PSPC1: variants seen among roughly 807,000 people sequenced by gnomAD.
PSPC1 encodes paraspeckle protein 1.
PSPC1 carries 14 observed loss-of-function variants against 51.6 expected under a neutral mutation model. The observed-to-expected ratio is 0.27, with a 90% CI of 0.18 to 0.42. The LOEUF (loss-of-function observed/expected upper bound fraction) is 0.42. Ranked by LOEUF, PSPC1 falls within the 10% of genes least tolerant of loss-of-function variation. The probability of loss-of-function intolerance (pLI) is 1.00; values close to 1 mark genes in which losing one functional copy is unlikely to be tolerated. For synonymous variants in PSPC1, 193 were observed against 231.9 expected (o/e 0.83, Z 1.53); for missense variants, 406 against 701.1 (o/e 0.58, Z 4.75).
intron 6 of PSPC1, among the ~76,000 whole-genome samples, chr13:19,720,348 C>CA (rs1335735199): frequency 6.6e-6 from 1 of 152,142 alleles, no homozygotes; most frequent in Non-Finnish European, 1.5e-5. Context: ...ATAAACTGCA[C>CA]AAGCAGCAGT....
chr13:19,733,694 C>T (rs983612109), intron 5 of PSPC1, among the ~76,000 whole-genome samples: 5 of 151,164 alleles, frequency 3.3e-5, no homozygotes, highest in African/African-American at 7.3e-5. Flanking sequence ...ACCTGGGAGG[C>T]GGAGGTTGCA....
intron 6 of PSPC1, chr13:19,679,072 C>T (rs1047096287): frequency 1.3e-5 from 2 of 152,170 alleles, no homozygotes; most frequent in African/African-American, 4.8e-5. Flanking sequence ...TTTTTTAAAA[C>T]AAGGCATGGC....
intron 2 of PSPC1, among the ~76,000 whole-genome samples, chr13:19,761,296 TTTC>T (rs1177942135): frequency 1.3e-5 from 2 of 152,154 alleles, no homozygotes; most frequent in Non-Finnish European, 2.9e-5. Context: ...TCTTTACTGT[TTTC>T]TTCAGTAAAA....
In PSPC1 at chr13:19,746,929, G is replaced by C. The variant is rs533938277; in HGVS notation, c.967+4342C>G. Among the ~76,000 whole-genome samples, 124 of 152,112 alleles carry C rather than the reference G, an allele frequency of 8.2e-4. 1 individual carries two copies. Among genetic ancestry groups the C allele is most frequent in the Non-Finnish European group, 1.6e-3 (107 of 68,026 alleles). On this transcript the variant is annotated intron_variant, in intron 4 of 8. Coordinates refer to ENST00000338910, the MANE Select transcript of PSPC1 (RefSeq NM_001354909.2). ...GTTCGAGACCAGCCTGACCAACATGGAGAAACCCCATCTCTACTAAAATAC... is the reference window on the plus strand; with the variant it reads ...GTTCGAGACCAGCCTGACCAACATGCAGAAACCCCATCTCTACTAAAATAC...
At chr13:19,700,518 T>A (rs1879771826), downstream of PSPC1, among the ~76,000 whole-genome samples, 1 of 152,076 alleles carries the variant, frequency 6.6e-6, no homozygotes, top group South Asian at 2.1e-4. Context: ...GTGAATCAGT[T>A]TTTTAAAATC....
chr13:19,697,407 A>C (rs1879391284), intron 6 of PSPC1, among the ~76,000 whole-genome samples: 1 of 152,216 alleles, frequency 6.6e-6, no homozygotes, highest in Non-Finnish European at 1.5e-5. Context: ...CTTAAGCCCT[A>C]GAAAACTAAC....
At chr13:19,698,236 G>A (rs1488375609), downstream of PSPC1, among the ~76,000 whole-genome samples, 4 of 151,746 alleles carry the variant, frequency 2.6e-5, no homozygotes, top group Admixed American at 2.0e-4. Context: ...AAATAAAAAT[G>A]TGAAGCTGTC....
At chr13:19,680,190 T>C (rs1877114656) in intron 6 of PSPC1, among the ~76,000 whole-genome samples, 1 of 152,080 alleles carries the variant, frequency 6.6e-6, no homozygotes, top group Non-Finnish European at 1.5e-5. Context: ...AATTTTTGTA[T>C]TTTTAGTAGA....
At position 19,782,763 on chromosome 13, in the gene PSPC1, T is replaced by C. The variant is rs752571533; in HGVS notation, c.-6A>G. On this transcript the variant is annotated 5_prime_UTR_variant, in exon 1 of 9. Coordinates refer to ENST00000338910, the MANE Select transcript of PSPC1 (RefSeq NM_001354909.2). This position sits in a 1 kb window ranked among gnomAD's most constrained non-coding sequence, Gnocchi z 4.5. ...AGGTTTCCTCTTAACATCATCTTAC[T>C]GAGTTCGCCTCGGACACCGGATACA... is the stretch of plus-strand genomic sequence containing the variant. 55 of 1,537,122 alleles carry C rather than the reference T, an allele frequency of 3.6e-5. No individual in the cohort carries two copies. The South Asian group carries it at 5.8e-4, about 16-fold the overall frequency.
At chr13:19,687,325 G>A (rs914272825) in intron 6 of PSPC1, among the ~76,000 whole-genome samples, 2 of 152,120 alleles carry the variant, frequency 1.3e-5, no homozygotes, top group Non-Finnish European at 2.9e-5. Flanking sequence ...TGGTTTCCAC[G>A]TATTCCAGTA....
intron 1 of PSPC1, among the ~76,000 whole-genome samples, chr13:19,775,367 CA>C (rs35702131): frequency 1.2e-3 from 167 of 137,896 alleles, no homozygotes; most frequent in Admixed American, 1.2e-3. Context: ...AATAAATAGA[CA>C]AAAAAAAAAA....
chr13:19,770,351 A>G (rs904728738), intron 2 of PSPC1, among the ~76,000 whole-genome samples: 2 of 152,214 alleles, frequency 1.3e-5, no homozygotes, highest in African/African-American at 2.4e-5. Context: ...ACATGAGTAC[A>G]TATGTTTGTT....
At chr13:19,674,111 C>T (rs556522815), downstream of PSPC1, among the ~76,000 whole-genome samples, 1 of 152,348 alleles carries the variant, frequency 6.6e-6, no homozygotes, top group South Asian at 2.1e-4. Context: ...CGCATCATGG[C>T]CTCTGCCATT....
chr13:19,719,499 G>C (rs1270249962), intron 6 of PSPC1, among the ~76,000 whole-genome samples: 1 of 152,122 alleles, frequency 6.6e-6, no homozygotes, highest in Non-Finnish European at 1.5e-5. Flanking sequence ...GCAAGGTTTA[G>C]TCACGAAACA....
chr13:19,748,205 AAG>A (rs1364452877), intron 4 of PSPC1, among the ~76,000 whole-genome samples: 19 of 147,208 alleles, frequency 1.3e-4, no homozygotes, highest in Admixed American at 1.1e-3. Context: ...GGCGAAGAGC[AAG>A]AGTCTGTCTC....
At chr13:19,716,962 G>C (rs1417119257) in intron 6 of PSPC1, among the ~76,000 whole-genome samples, 7 of 152,102 alleles carry the variant, frequency 4.6e-5, no homozygotes, top group East Asian at 1.9e-4. Context: ...GGCTGAGGCA[G>C]GCAGATCACC....
At chr13:19,697,199 A>C (rs1879361147) in intron 6 of PSPC1, among the ~76,000 whole-genome samples, 1 of 152,140 alleles carries the variant, frequency 6.6e-6, no homozygotes, top group Non-Finnish European at 1.5e-5. Context: ...ATCACATAGG[A>C]ACTTACTAGA....
Position 19,742,280 on chromosome 13 carries a change from A to AT in PSPC1, c.968-632_968-631insA, listed in dbSNP as rs1273587606. Among the ~76,000 whole-genome samples, 102 of 151,680 alleles carry AT rather than the reference A, an allele frequency of 6.7e-4. No individual in the cohort carries two copies. In the South Asian group the frequency reaches 0.017, roughly 25 times the overall value. ...AATCTCAAAAAAAAAAAAAAAACAAACAAATAAATAAATAAAAATTCATCT... is the reference window on the plus strand; with the variant it reads ...AATCTCAAAAAAAAAAAAAAAACAAATCAAATAAATAAATAAAAATTCATCT... On this transcript the variant is annotated intron_variant, in intron 4 of 8. Coordinates refer to ENST00000338910, the MANE Select transcript of PSPC1 (RefSeq NM_001354909.2).
chr13:19,683,047 G>A (rs1309506650), intron 6 of PSPC1, among the ~76,000 whole-genome samples: 1 of 152,028 alleles, frequency 6.6e-6, no homozygotes, highest in Non-Finnish European at 1.5e-5. Context: ...CAGCCTGGGT[G>A]ACAGAGTGAG....
Sources: gnomAD v4.1 joint callset for allele counts (sites outside exome capture counted in the v4.1 genomes callset) on GRCh38, gnomAD v4.1.1 for gene constraint, Gnocchi (gnomAD v3.1) non-coding constraint, MANE v1.5 for transcripts, NCBI Gene and HGNC (gene_info 2026-07-23, HGNC 2026-07-21) for gene names.